The following LOC400499 variants were observed in gnomAD, a reference collection of about 807,000 sequenced individuals.
the LOC400499 span, chr16:11,417,865 G>T: frequency 2.5e-6 from 1 of 398,684 alleles, no homozygotes; most frequent in South Asian, 1.3e-4. Flanking sequence ...GGAGACGCTG[G>T]ACCACCCTGT....
At chr16:11,508,575 G>A in the LOC400499 span, 2 of 396,146 alleles carry the variant, frequency 5.0e-6, no homozygotes, top group Non-Finnish European at 4.4e-6. Flanking sequence ...GCTGTGCAGT[G>A]CACAACCTAC....
At chr16:11,512,748 GA>G in the LOC400499 span, among the ~76,000 whole-genome samples, 3 of 151,286 alleles carry the variant, frequency 2.0e-5, no homozygotes, top group African/African-American at 4.8e-5. Flanking sequence ...TAAAAAGGAG[GA>G]AAAAAAAAGA....
the LOC400499 span, chr16:11,383,590 T>C: frequency 1.6e-6 from 2 of 1,231,970 alleles, no homozygotes; most frequent in Non-Finnish European, 1.0e-6. Context: ...CCCTCTGGCC[T>C]GGAAGGCAGA....
the LOC400499 span, chr16:11,477,078 G>A: frequency 5.3e-3 from 2,120 of 399,354 alleles, 37 homozygotes; most frequent in African/African-American, 0.041. Flanking sequence ...GCCACCCACA[G>A]GCTGTACATG....
chr16:11,462,194 A>G, the LOC400499 span: 1 of 1,534,732 alleles, frequency 6.5e-7, no homozygotes, highest in Non-Finnish European at 8.7e-7. Flanking sequence ...CTGCCGTGTG[A>G]GGTTCCCGGT....
the LOC400499 span, chr16:11,380,781 C>G: frequency 3.3e-5 from 5 of 152,182 alleles, no homozygotes; most frequent in Non-Finnish European, 7.3e-5. Flanking sequence ...TGTAAGTCTT[C>G]TCTGTTGTCC....
chr16:11,393,484 A>G, the LOC400499 span: 4 of 1,232,120 alleles, frequency 3.2e-6, no homozygotes, highest in Middle Eastern at 3.1e-4. Context: ...CTTCCCTCCA[A>G]CCGGACCAGG....
the LOC400499 span, chr16:11,372,145 G>A: frequency 6.6e-6 from 1 of 152,176 alleles, no homozygotes; most frequent in Admixed American, 6.5e-5. Context: ...CAAAACAGAG[G>A]CCCTCCCCAG....
chr16:11,400,020 T>A, the LOC400499 span, among the ~76,000 whole-genome samples: 2 of 149,434 alleles, frequency 1.3e-5, no homozygotes, highest in Non-Finnish European at 3.0e-5. Context: ...CTGGAAGAGC[T>A]CAGAGCCATT....
the LOC400499 span, among the ~76,000 whole-genome samples, chr16:11,432,204 G>C: frequency 6.6e-6 from 1 of 152,216 alleles, no homozygotes; most frequent in Non-Finnish European, 1.5e-5. Context: ...TCAGCCAAGA[G>C]TCCCAGAGAA....
At chr16:11,378,597 A>C in the LOC400499 span, among the ~76,000 whole-genome samples, 1 of 152,174 alleles carries the variant, frequency 6.6e-6, no homozygotes, top group Admixed American at 6.5e-5. Flanking sequence ...TACAGCTACA[A>C]ATTTCCCTCA....
the LOC400499 span, chr16:11,407,301 C>T: frequency 5.0e-5 from 20 of 398,572 alleles, no homozygotes; most frequent in African/African-American, 1.0e-4. Context: ...ACGCCCAAGG[C>T]GAACATGCTC....
At chr16:11,425,801 C>G in the LOC400499 span, among the ~76,000 whole-genome samples, 1 of 152,164 alleles carries the variant, frequency 6.6e-6, no homozygotes, top group Non-Finnish European at 1.5e-5. Flanking sequence ...CAATCTCATA[C>G]AAACTCGTTC....
chr16:11,452,829 C>G, the LOC400499 span, among the ~76,000 whole-genome samples: 2 of 152,230 alleles, frequency 1.3e-5, no homozygotes, highest in Non-Finnish European at 2.9e-5. Flanking sequence ...TAGGCCATTC[C>G]TGATTCTTCT....
the LOC400499 span, chr16:11,401,132 G>A: frequency 7.5e-6 from 3 of 397,870 alleles, no homozygotes; most frequent in East Asian, 3.6e-5. Context: ...TCAGGAAGCT[G>A]TGATTCCGGA....
the LOC400499 span, among the ~76,000 whole-genome samples, chr16:11,514,192 G>A: frequency 2.6e-3 from 398 of 152,168 alleles, 2 homozygotes; most frequent in African/African-American, 9.1e-3. Context: ...AGAGCCTGGA[G>A]AACCTTCTAG....
chr16:11,402,333 T>G, the LOC400499 span: 1 of 395,348 alleles, frequency 2.5e-6, no homozygotes. Flanking sequence ...ACACTCGCTT[T>G]GTCACCATTA....
At chr16:11,453,683 G>A in the LOC400499 span, among the ~76,000 whole-genome samples, 1 of 151,894 alleles carries the variant, frequency 6.6e-6, no homozygotes, top group South Asian at 2.1e-4. Flanking sequence ...AGAGAAACAA[G>A]GAGGCCAGGT....
At chr16:11,384,449 C>T in the LOC400499 span, 1 of 453,476 alleles carries the variant, frequency 2.2e-6, no homozygotes, top group African/African-American at 2.0e-5. Context: ...CAGTAGAGTC[C>T]CACCACCTCC....
Sources: allele counts gnomAD v4.1 joint callset (sites outside exome capture counted in the v4.1 genomes callset), GRCh38; gene constraint gnomAD v4.1.1; transcripts MANE v1.5.